NBEAL1: variants seen among roughly 807,000 people sequenced by gnomAD.
NBEAL1 encodes neurobeachin-like protein 1.
A neutral mutation model predicts 351.3 loss-of-function variants in NBEAL1; 273 were observed. The observed-to-expected ratio is 0.78, with a 90% CI of 0.70 to 0.86. NBEAL1 has a LOEUF of 0.86. Ranked by LOEUF, NBEAL1 falls within the 40% of genes least tolerant of loss-of-function variation. The probability of loss-of-function intolerance (pLI) is 0.00; values close to 1 mark genes in which losing one functional copy is unlikely to be tolerated. For synonymous variants in NBEAL1, 1,050 were observed against 1,086.4 expected, an observed-to-expected ratio of 0.97 and a Z score of 0.66; for missense variants, 2,961 against 3,201.3, an observed-to-expected ratio of 0.92 and a Z score of 1.81.
intron 33 of NBEAL1, among the ~76,000 whole-genome samples, chr2:203,148,769 T>A (rs1193012309): frequency 6.6e-6 from 1 of 151,890 alleles, no homozygotes; most frequent in African/African-American, 2.4e-5. Flanking sequence ...TGGTTGGTTT[T>A]TTTTTTAAGT....
rs747318910 is a variant in NBEAL1, at chr2:203,077,886, A to T, written c.684+49A>T. ...TAAATAAAATTATAATTAACAGTGC[A>T]AAAAGCTTTCCATAGATTTAGTATG... On this transcript the variant is annotated intron_variant, in intron 8 of 55. Coordinates refer to ENST00000683969, the MANE Select transcript of NBEAL1 (RefSeq NM_001378026.1). 198 of 1,038,744 alleles carry T rather than the reference A, an allele frequency of 1.9e-4. 1 individual carries two copies. Among genetic ancestry groups the T allele is most frequent in the Non-Finnish European group, 2.4e-4 (179 of 753,584 alleles). 64.3% of individuals were successfully genotyped at this position (1,038,744 alleles called of 1,614,324 possible).
At chr2:203,018,486 A>G (rs1403525680) in intron 2 of NBEAL1, among the ~76,000 whole-genome samples, 1 of 152,066 alleles carries the variant, frequency 6.6e-6, no homozygotes, top group Non-Finnish European at 1.5e-5. Context: ...TTGAGTAAGC[A>G]TGTGTGCATG....
chr2:203,077,900 A>G (rs1160748973), intron 8 of NBEAL1, 63 bp downstream of exon 8: 1 of 844,112 alleles, frequency 1.2e-6, no homozygotes, highest in Non-Finnish European at 1.7e-6. Flanking sequence ...AGCTTTCCAT[A>G]GATTTAGTAT....
Position 203,049,933 on chromosome 2 carries a change from C to A in NBEAL1, c.263C>A (p.Ala88Asp). The change falls in exon 4 of 56, where the codon GCC (alanine) becomes GAC (aspartate). Residue 88 changes from alanine (A) to aspartate (D), a missense_variant. Ala to Asp is a moderately radical substitution (Grantham distance 126). Coordinates refer to ENST00000683969, the MANE Select transcript of NBEAL1 (RefSeq NM_001378026.1). ...GATGGGTTAGAGGAACAACAGCAAGCCTTGTCAATTTTGCTTGTCAAGTTC... is the reference window on the plus strand; with the variant it reads ...GATGGGTTAGAGGAACAACAGCAAGACTTGTCAATTTTGCTTGTCAAGTTC... Reference protein sequence around the residue: ...MADGLEEQQQALSILLVKFFI... With the variant: ...MADGLEEQQQDLSILLVKFFI... The A allele has an allele frequency of 6.4e-7, 1 of 1,554,874 alleles. No homozygotes were observed. Among genetic ancestry groups the A allele is most frequent in the Non-Finnish European group, 8.7e-7 (1 of 1,147,694 alleles).
intron 14 of NBEAL1, among the ~76,000 whole-genome samples, chr2:203,108,723 T>C (rs1042960613): frequency 2.6e-5 from 4 of 151,840 alleles, no homozygotes; most frequent in African/African-American, 9.7e-5. Flanking sequence ...TTCTTAAAAG[T>C]AGTGTAAAAG....
intron 7 of NBEAL1, among the ~76,000 whole-genome samples, chr2:203,072,796 C>T (rs1048438546): frequency 7.2e-5 from 11 of 152,176 alleles, no homozygotes; most frequent in Non-Finnish European, 1.5e-4. Flanking sequence ...CAGCCTCTAC[C>T]CATTACCCAG....
chr2:203,153,074 A>T (rs2063702876), intron 35 of NBEAL1, among the ~76,000 whole-genome samples: 2 of 152,108 alleles, frequency 1.3e-5, no homozygotes, highest in Admixed American at 6.6e-5. Context: ...TGGTAGTCAT[A>T]GGCATATTAT....
intron 10 of NBEAL1, among the ~76,000 whole-genome samples, chr2:203,091,660 G>A (rs2062066860): frequency 6.6e-6 from 1 of 151,996 alleles, no homozygotes; most frequent in African/African-American, 2.4e-5. Context: ...TTTGATAGTG[G>A]CTGTCCTAAT....
chr2:203,147,425 A>G (rs1575043502), intron 33 of NBEAL1, among the ~76,000 whole-genome samples: 1 of 152,144 alleles, frequency 6.6e-6, no homozygotes, highest in African/African-American at 2.4e-5. Context: ...AGCTCTAAAA[A>G]TAATAAAATG....
chr2:203,025,582 A>G (rs969987693), intron 2 of NBEAL1, among the ~76,000 whole-genome samples: 3 of 152,218 alleles, frequency 2.0e-5, no homozygotes, highest in Non-Finnish European at 2.9e-5. Flanking sequence ...ACAATTATTC[A>G]TATTTCTCCT....
intron 2 of NBEAL1, chr2:203,040,706 A>G: frequency 3.2e-6 from 2 of 617,642 alleles, no homozygotes; most frequent in East Asian, 4.0e-5. Context: ...AAGTATTTCC[A>G]GGAGATCTCA....
intron 2 of NBEAL1, among the ~76,000 whole-genome samples, chr2:203,021,915 G>A (rs2060778357): frequency 6.6e-6 from 1 of 151,976 alleles, no homozygotes; most frequent in Non-Finnish European, 1.5e-5. Context: ...GCCAGGCACG[G>A]TGGCGGGCAC....
chr2:203,149,055 T>C lies in NBEAL1; in HGVS notation c.5369T>C (p.Leu1790Pro), dbSNP rs200963655. The C allele has an allele frequency of 1.6e-5, 26 of 1,613,276 alleles. No individual in the cohort carries two copies. The highest frequency in any genetic ancestry group is 8.5e-7 in the Non-Finnish European group (1 of 1,179,448). Residue 1790 changes from leucine to proline, a missense_variant, in exon 34 of 56, where the codon CTT becomes CCT. Physicochemically the swap from Leu to Pro is moderately conservative, Grantham distance 98. Transcript: ENST00000683969. Reference protein sequence around the residue: ...RQENLRYNNMLKQLSSQQLAT... With the variant: ...RQENLRYNNMPKQLSSQQLAT... ...GAGAACCTGAGGTATAATAATATGCTTAAACAACTTAGCAGTCAACAGTTA... is the reference window on the plus strand; with the variant it reads ...GAGAACCTGAGGTATAATAATATGCCTAAACAACTTAGCAGTCAACAGTTA...
intron 55 of NBEAL1, among the ~76,000 whole-genome samples, chr2:203,214,412 T>C (rs1362421427): frequency 2.0e-5 from 3 of 152,216 alleles, no homozygotes; most frequent in Admixed American, 1.3e-4. Context: ...TTATAAATAT[T>C]TGAAACTTCT....
chr2:203,203,212 G>A (rs1161399845), intron 51 of NBEAL1, among the ~76,000 whole-genome samples: 1 of 151,430 alleles, frequency 6.6e-6, no homozygotes. Flanking sequence ...CATGATCTCG[G>A]CTCACTGCAA....
chr2:203,057,180 T>G (rs1344808881), intron 5 of NBEAL1, 146 bp from the exon 6 acceptor site: 2 of 572,548 alleles, frequency 3.5e-6, no homozygotes, highest in Non-Finnish European at 5.9e-6. Context: ...GTAGGACATA[T>G]TTAAAATCTT....
intron 2 of NBEAL1, among the ~76,000 whole-genome samples, chr2:203,026,702 A>C (rs1044414175): frequency 1.3e-5 from 2 of 152,102 alleles, no homozygotes; most frequent in South Asian, 4.1e-4. Context: ...TTTAGTAGAG[A>C]CAGTGTTTCA....
In NBEAL1 at chr2:203,126,693, G is replaced by C. The variant is rs745393271; in HGVS notation, c.3122G>C (p.Arg1041Pro). The part of the protein sequence containing the change: ...YLLFDFRIWN[R>P]GDFPFRIGHI... Reference sequence around the variant, plus strand: ...CTCTTTGACTTTCGTATTTGGAACCGTGGAGATTTTCCCTTTCGAATCGGT... The same window carrying C: ...CTCTTTGACTTTCGTATTTGGAACCCTGGAGATTTTCCCTTTCGAATCGGT... Residue 1041 changes from arginine to proline, a missense_variant, in exon 22 of 56, where the codon CGT (arginine) becomes CCT (proline). Transcript: ENST00000683969. 1.2e-4 allele frequency: 177 copies of C among 1,510,470 alleles called. No individual in the cohort carries two copies. Among genetic ancestry groups the C allele is most frequent in the Non-Finnish European group, 1.5e-4 (174 of 1,129,682 alleles). 93.6% of individuals were successfully genotyped at this position (1,510,470 alleles called of 1,614,324 possible).
intron 36 of NBEAL1, among the ~76,000 whole-genome samples, chr2:203,158,345 A>G (rs577187374): frequency 1.3e-5 from 2 of 152,332 alleles, no homozygotes; most frequent in South Asian, 2.1e-4. Context: ...AAATAATAAA[A>G]TGACTGAAAA....
Sources: allele counts gnomAD v4.1 joint callset (sites outside exome capture counted in the v4.1 genomes callset), GRCh38; gene constraint gnomAD v4.1.1; transcripts MANE v1.5; gene names NCBI Gene and HGNC (gene_info 2026-07-23, HGNC 2026-07-21).